The following PTPRG variants were observed in gnomAD, a reference collection of about 807,000 sequenced individuals.
PTPRG encodes protein tyrosine phosphatase receptor type G.
PTPRG carries 102 observed loss-of-function variants against 165.3 expected under a neutral mutation model. The observed-to-expected ratio is 0.62, with a 90% confidence interval of 0.53 to 0.73. PTPRG has a LOEUF of 0.73. Ranked by LOEUF, PTPRG falls within the 30% of genes least tolerant of loss-of-function variation. PTPRG has a pLI of 0.00. For synonymous variants in PTPRG, 675 were observed against 669.5 expected (o/e 1.01, Z -0.13); for missense variants, 1,866 against 1,861.4 (o/e 1.00, Z -0.05).
intron 28 of PTPRG, among the ~76,000 whole-genome samples, chr3:62,285,504 TG>T (rs1244386068): frequency 6.8e-5 from 2 of 29,386 alleles, no homozygotes; most frequent in Non-Finnish European, 1.2e-4. Context: ...CACCTACTTT[TG>T]GGGGTGGCAG....
intron 1 of PTPRG, among the ~76,000 whole-genome samples, chr3:61,571,487 T>C (rs1700054090): frequency 6.6e-6 from 1 of 152,232 alleles, no homozygotes; most frequent in South Asian, 2.1e-4. Context: ...GGTGTCTTCC[T>C]GTACTTGCTA....
At chr3:61,686,652 A>G (rs1385422042) in intron 1 of PTPRG, among the ~76,000 whole-genome samples, 1 of 152,254 alleles carries the variant, frequency 6.6e-6, no homozygotes, top group African/African-American at 2.4e-5. Context: ...CTGACAGCCC[A>G]TTAATAGGGG....
chr3:62,152,774 C>T (rs71296758), intron 6 of PTPRG, among the ~76,000 whole-genome samples: 6,921 of 152,098 alleles, frequency 0.046, 206 homozygotes, highest in Non-Finnish European at 0.06. Context: ...AGCATAATTC[C>T]CCCCACCCCA....
chr3:62,221,143 A>G (rs1395119136), intron 13 of PTPRG, among the ~76,000 whole-genome samples: 1 of 152,226 alleles, frequency 6.6e-6, no homozygotes, highest in Non-Finnish European at 1.5e-5. Context: ...AACTGTTTAT[A>G]CTTCTGAAAA....
In PTPRG at chr3:62,219,415, A is replaced by G. The variant is rs1700596358; in HGVS notation, c.2288+432A>G. 6.6e-6 allele frequency among the ~76,000 whole-genome samples: 1 copy of G among 152,186 alleles called. No individual in the cohort carries two copies. Among genetic ancestry groups the G allele is most frequent in the African/African-American group, 2.4e-5 (1 of 41,452 alleles). On this transcript the variant is annotated intron_variant, in intron 13 of 29. Transcript: ENST00000474889. This position sits in a 1 kb window ranked among gnomAD's most constrained non-coding sequence, Gnocchi z 4.5. ...CCTCTTTACCTTAGAATTTTTTTTCATAGTCTTTCACTGAAAATTAAATTG... is the reference window on the plus strand; with the variant it reads ...CCTCTTTACCTTAGAATTTTTTTTCGTAGTCTTTCACTGAAAATTAAATTG...
chr3:62,096,887 A>T (rs879318094), intron 5 of PTPRG, among the ~76,000 whole-genome samples: 4 of 152,236 alleles, frequency 2.6e-5, no homozygotes, highest in African/African-American at 9.6e-5. Flanking sequence ...ATACTCAGTT[A>T]TAATTTGCAG....
At chr3:61,836,050 GC>G (rs36143527) in intron 2 of PTPRG, among the ~76,000 whole-genome samples, 44,185 of 90,484 alleles carry the variant, frequency 0.49, 7,537 homozygotes, top group East Asian at 0.68. Flanking sequence ...CACCCCCCGC[GC>G]CCCCCCCCAC....
intron 8 of PTPRG, among the ~76,000 whole-genome samples, chr3:62,173,638 T>G (rs1705306069): frequency 6.6e-6 from 1 of 152,180 alleles, no homozygotes; most frequent in South Asian, 2.1e-4. Context: ...AACCAGAGAT[T>G]CATTAACTTG....
At position 61,773,122 on chromosome 3, in the gene PTPRG, G is replaced by T. The variant is rs560292978; in HGVS notation, c.190+24140G>T. Among the ~76,000 whole-genome samples, 6 of 152,330 alleles carry T rather than the reference G, an allele frequency of 3.9e-5. No homozygotes were observed. In the East Asian group the frequency reaches 1.2e-3, roughly 29 times the overall value. ...ATCTTAGGAAATATGTGTGTTATCG[G>T]CTGGTGTAGGGTAGGGTGGTGGTAG... On this transcript the variant is annotated intron_variant, in intron 2 of 29. Transcript: ENST00000474889.
intron 1 of PTPRG, among the ~76,000 whole-genome samples, chr3:61,673,438 C>T (rs900760062): frequency 3.9e-5 from 6 of 152,152 alleles, no homozygotes; most frequent in Non-Finnish European, 7.3e-5. Context: ...AGTTCTCAGT[C>T]TGCAAAATGA....
intron 12 of PTPRG, among the ~76,000 whole-genome samples, chr3:62,205,548 G>A (rs1205176203): frequency 6.6e-6 from 1 of 152,192 alleles, no homozygotes; most frequent in Non-Finnish European, 1.5e-5. Flanking sequence ...GTAGCTCTGA[G>A]TGGTCAAGGA....
chr3:62,020,206 T>A (rs974809946), intron 4 of PTPRG, among the ~76,000 whole-genome samples: 1 of 152,180 alleles, frequency 6.6e-6, no homozygotes, highest in Non-Finnish European at 1.5e-5. Flanking sequence ...ATATTGTGAA[T>A]ATTTTCTGTA....
At chr3:61,967,546 G>A (rs1215254047) in intron 2 of PTPRG, among the ~76,000 whole-genome samples, 1 of 152,110 alleles carries the variant, frequency 6.6e-6, no homozygotes, top group Non-Finnish European at 1.5e-5. Context: ...CATTTTAGAT[G>A]TCTAAATTCA....
intron 1 of PTPRG, among the ~76,000 whole-genome samples, chr3:61,592,016 C>T (rs978631479): frequency 1.3e-5 from 2 of 151,586 alleles, no homozygotes; most frequent in Admixed American, 6.6e-5. Context: ...TCTTGTTGCC[C>T]AGGCTGGAGT....
chr3:62,293,929 A>G lies in PTPRG; in HGVS notation c.*622A>G, dbSNP rs964584452. On this transcript the variant is annotated 3_prime_UTR_variant, in exon 30 of 30. Transcript: ENST00000474889. ...AGTTAGAAGGCTTAAGAACTGCTTCATGTGAACATCCCTTATTAGTTACAA... is the reference window on the plus strand; with the variant it reads ...AGTTAGAAGGCTTAAGAACTGCTTCGTGTGAACATCCCTTATTAGTTACAA... The G allele has an allele frequency of 6.6e-6, 1 of 152,588 alleles. No homozygotes were observed. 9.5% of individuals were successfully genotyped at this position (152,588 alleles called of 1,614,324 possible). A position where few individuals can be genotyped will look rare whatever the true frequency, so the allele number is the denominator to read the frequency against.
intron 14 of PTPRG, among the ~76,000 whole-genome samples, chr3:62,239,330 TTTTTTTCTTTCTTTCTTTC>T (rs1249258693): frequency 2.6e-5 from 4 of 151,762 alleles, no homozygotes; most frequent in Non-Finnish European, 5.9e-5. Flanking sequence ...GAGAAATTCT[TTTTTTTCTTTCTTTCTTTC>T]TTTTTTCTTT....
At chr3:61,741,605 T>C (rs34078499) in intron 1 of PTPRG, among the ~76,000 whole-genome samples, 19,467 of 152,244 alleles carry the variant, frequency 0.13, 1,559 homozygotes, top group East Asian at 0.21. Context: ...AGATGGAACT[T>C]TGGGATGTTC....
chr3:62,053,370 G>C (rs912838636), intron 4 of PTPRG, among the ~76,000 whole-genome samples: 2 of 150,590 alleles, frequency 1.3e-5, no homozygotes, highest in Non-Finnish European at 2.9e-5. Context: ...AGGCTCAAGT[G>C]ATTCTCCTGC....
At chr3:61,686,567 G>C (rs1181357445) in intron 1 of PTPRG, among the ~76,000 whole-genome samples, 1 of 152,164 alleles carries the variant, frequency 6.6e-6, no homozygotes, top group Non-Finnish European at 1.5e-5. Flanking sequence ...GATGTACTTG[G>C]CCACAGTGCA....
Sources: gnomAD v4.1 joint callset for allele counts (sites outside exome capture counted in the v4.1 genomes callset) on GRCh38, gnomAD v4.1.1 for gene constraint, Gnocchi (gnomAD v3.1) non-coding constraint, MANE v1.5 for transcripts, NCBI Gene and HGNC (gene_info 2026-07-23, HGNC 2026-07-21) for gene names.